The following TBX15 variants were observed in gnomAD, a reference collection of about 807,000 sequenced individuals.
The protein encoded by TBX15 is T-box transcription factor 15, also known as T-box transcription factor TBX15.
In TBX15, 18 loss-of-function variants were observed where a neutral mutation model predicts 53.9. The observed-to-expected ratio is 0.33, with a 90% CI of 0.23 to 0.49. The LOEUF (loss-of-function observed/expected upper bound fraction) is 0.49. TBX15 is among the 20% of genes least tolerant of loss of function. TBX15 has a pLI of 0.98. For missense variants in TBX15, 692 were observed against 749.5 expected (o/e 0.92, Z 0.90); for synonymous variants, 295 against 278.0 (o/e 1.06, Z -0.61).
At chr1:118,917,826 G>A (rs544064924) in intron 5 of TBX15, among the ~76,000 whole-genome samples, 13 of 152,096 alleles carry the variant, frequency 8.5e-5, no homozygotes, top group East Asian at 1.9e-4. Flanking sequence ...GGCCACTACC[G>A]CTCAGAATTT....
chr1:118,892,924 T>C (rs775374536), intron 7 of TBX15, among the ~76,000 whole-genome samples: 1 of 152,088 alleles, frequency 6.6e-6, no homozygotes. Flanking sequence ...ACTTACTATG[T>C]TGTTATCTTC....
chr1:118,886,451 A>G (rs1653947637), intron 7 of TBX15, among the ~76,000 whole-genome samples: 1 of 152,180 alleles, frequency 6.6e-6, no homozygotes, highest in Admixed American at 6.5e-5. Context: ...GAGATGAGGA[A>G]TTAACTTAGA....
At chr1:118,933,923 A>G (rs1057269022) in intron 1 of TBX15, among the ~76,000 whole-genome samples, 1 of 152,172 alleles carries the variant, frequency 6.6e-6, no homozygotes, top group Non-Finnish European at 1.5e-5. Context: ...GACCCAACAG[A>G]AATTTTGGAC....
intron 1 of TBX15, among the ~76,000 whole-genome samples, chr1:118,943,034 G>C (rs1394412061): frequency 6.6e-6 from 1 of 152,168 alleles, no homozygotes; most frequent in East Asian, 1.9e-4. Flanking sequence ...CACAGACCCA[G>C]ATTATGACTG....
At chr1:118,887,793 C>A (rs1045688281) in intron 7 of TBX15, among the ~76,000 whole-genome samples, 3 of 151,336 alleles carry the variant, frequency 2.0e-5, no homozygotes, top group African/African-American at 7.3e-5. Context: ...CAAAGAGGAA[C>A]CGAAAGTTAA....
At chr1:118,934,432 A>G (rs186592434) in intron 1 of TBX15, among the ~76,000 whole-genome samples, 42 of 152,314 alleles carry the variant, frequency 2.8e-4, no homozygotes, top group African/African-American at 9.6e-4. Context: ...AAATCAATCA[A>G]TAAGCACCTA....
At position 118,970,887 on chromosome 1, in the gene TBX15, C is replaced by T. The variant is rs143953781; in HGVS notation, c.205+16704G>A. ...TGTCAGTTCATGCACATATTCCCCA[C>T]TGCTCTTGGGAAGGAAAAGCCAGAA... On this transcript the variant is annotated intron_variant, in intron 1 of 7. Coordinates refer to ENST00000369429, the MANE Select transcript of TBX15 (RefSeq NM_001330677.2). 2.2e-4 allele frequency among the ~76,000 whole-genome samples: 34 copies of T among 152,316 alleles called. No individual in the cohort carries two copies. The East Asian group carries it at 5.4e-3, about 24-fold the overall frequency.
intron 1 of TBX15, among the ~76,000 whole-genome samples, chr1:118,986,866 C>T (rs1296113322): frequency 6.6e-6 from 1 of 152,194 alleles, no homozygotes; most frequent in Non-Finnish European, 1.5e-5. Context: ...TTAAAGTTGG[C>T]TTCTCCCCTC....
chr1:118,884,825 T>C lies in TBX15; in HGVS notation c.1716A>G (p.Ser572=). Residue 572 remains serine (S), a synonymous_variant, in exon 8 of 8, where the codon TCA becomes TCG. Coordinates refer to ENST00000369429, the MANE Select transcript of TBX15 (RefSeq NM_001330677.2). ...MEHSMHMISP[S]PNNQQATNTC... ...TGTTGGTTGCCTGTTGGTTATTGGGTGAAGGGCTAATCATGTGCATGCTGT... is the reference window on the plus strand; with the variant it reads ...TGTTGGTTGCCTGTTGGTTATTGGGCGAAGGGCTAATCATGTGCATGCTGT... The C allele has an allele frequency of 6.2e-7, 1 of 1,614,046 alleles. No individual in the cohort carries two copies. The highest frequency in any genetic ancestry group is 8.5e-7 in the Non-Finnish European group (1 of 1,179,994).
In TBX15 at chr1:118,884,021, T is replaced by A. The variant is rs1373297722; in HGVS notation, c.*711A>T. ...CTTTCCACGGGCACCACTGGGAATA[T>A]CAATGATAGCATACAAGTGAAGAGA... On this transcript the variant is annotated 3_prime_UTR_variant, in exon 8 of 8. Coordinates refer to ENST00000369429, the MANE Select transcript of TBX15 (RefSeq NM_001330677.2). 6.5e-6 allele frequency: 1 copy of A among 153,054 alleles called. No homozygotes were observed. Among genetic ancestry groups the A allele is most frequent in the Non-Finnish European group, 1.5e-5 (1 of 68,392 alleles). 9.5% of individuals were successfully genotyped at this position (153,054 alleles called of 1,614,324 possible). A position where few individuals can be genotyped will look rare whatever the true frequency, so the allele number is the denominator to read the frequency against.
chr1:118,988,799 C>A (rs745625), upstream of TBX15, among the ~76,000 whole-genome samples: 2,154 of 152,308 alleles, frequency 0.014, 47 homozygotes, highest in African/African-American at 0.049. Context: ...CTGGATTTCG[C>A]CACACAGGTT....
intron 7 of TBX15, among the ~76,000 whole-genome samples, chr1:118,891,932 G>T (rs556841913): frequency 1.6e-4 from 25 of 152,178 alleles, no homozygotes; most frequent in South Asian, 1.2e-3. Context: ...AATCCTAATT[G>T]ATATACATCC....
intron 1 of TBX15, among the ~76,000 whole-genome samples, chr1:118,948,981 G>A (rs1656429506): frequency 6.6e-6 from 1 of 152,136 alleles, no homozygotes; most frequent in Admixed American, 6.5e-5. Context: ...AGTCAGTGTG[G>A]ACCAGGATAA....
chr1:118,907,368 C>T (rs1654873825), intron 6 of TBX15, among the ~76,000 whole-genome samples: 1 of 152,230 alleles, frequency 6.6e-6, no homozygotes, highest in Non-Finnish European at 1.5e-5. Flanking sequence ...AGACAGACCA[C>T]AACCTTAATA....
chr1:118,893,583 A>AAGG (rs1654282642), intron 7 of TBX15, among the ~76,000 whole-genome samples: 5 of 128,740 alleles, frequency 3.9e-5, no homozygotes, highest in African/African-American at 1.9e-4. Flanking sequence ...GGAAAGAAAG[A>AAGG]AAGGAAGGAA....
chr1:118,983,283 C>T (rs1657705056), intron 1 of TBX15, among the ~76,000 whole-genome samples: 1 of 152,190 alleles, frequency 6.6e-6, no homozygotes. Flanking sequence ...TTCCCATTGC[C>T]CTAGTGCAGT....
intron 1 of TBX15, among the ~76,000 whole-genome samples, chr1:118,985,589 C>T (rs1463232257): frequency 1.3e-5 from 2 of 152,242 alleles, no homozygotes; most frequent in African/African-American, 4.8e-5. Context: ...AGGCTAGGCC[C>T]GGCCTGTAGC....
At chr1:118,988,584 C>G (rs1046979968), upstream of TBX15, among the ~76,000 whole-genome samples, 1 of 152,170 alleles carries the variant, frequency 6.6e-6, no homozygotes, top group Non-Finnish European at 1.5e-5. Flanking sequence ...CTGATCTGCG[C>G]CTTTACAAAC....
chr1:118,973,533 G>A (rs1215496941), intron 1 of TBX15, among the ~76,000 whole-genome samples: 1 of 151,830 alleles, frequency 6.6e-6, no homozygotes, highest in African/African-American at 2.4e-5. Flanking sequence ...CCCAAAAACT[G>A]CCCTTATAAT....
Sources: gnomAD v4.1 joint callset for allele counts (sites outside exome capture counted in the v4.1 genomes callset) on GRCh38, gnomAD v4.1.1 for gene constraint, MANE v1.5 for transcripts, NCBI Gene and HGNC (gene_info 2026-07-23, HGNC 2026-07-21) for gene names.